Variants in PXDNL observed in about 807,000 individuals in gnomAD.
PXDNL encodes peroxidasin like.
PXDNL carries 145 observed loss-of-function variants against 150.8 expected under a neutral mutation model. The ratio of observed to expected loss-of-function variants is 0.96; its 90% CI spans 0.84 to 1.10. The LOEUF (loss-of-function observed/expected upper bound fraction) is 1.10. PXDNL is among the 50% of genes least tolerant of loss of function. PXDNL has a pLI of 0.00. For missense variants in PXDNL, 2,087 were observed against 1,873.9 expected (o/e 1.11, Z -2.10); for synonymous variants, 757 against 725.7 (o/e 1.04, Z -0.69).
intron 18 of PXDNL, among the ~76,000 whole-genome samples, chr8:51,373,557 A>T (rs1338773574): frequency 6.6e-6 from 1 of 152,196 alleles, no homozygotes; most frequent in African/African-American, 2.4e-5. Context: ...AAATGATTTT[A>T]AAAAATTAAT....
At chr8:51,739,233 A>G (rs1203852964) in intron 1 of PXDNL, among the ~76,000 whole-genome samples, 1 of 152,148 alleles carries the variant, frequency 6.6e-6, no homozygotes, top group African/African-American at 2.4e-5. Context: ...AGAAAACTAC[A>G]AATGGAGCAG....
Position 51,527,303 on chromosome 8 carries a change from G to A in PXDNL, c.381-27533C>T, listed in dbSNP as rs999322584. 6.6e-5 allele frequency among the ~76,000 whole-genome samples: 10 copies of A among 152,024 alleles called. No homozygotes were observed. In the East Asian group the frequency reaches 7.7e-4, roughly 12 times the overall value. ...ATGTTGTTTCAGTTCCCTACCTGCCGTGTTTTCATGATTTAGCACGTTTGC... is the reference window on the plus strand; with the variant it reads ...ATGTTGTTTCAGTTCCCTACCTGCCATGTTTTCATGATTTAGCACGTTTGC... On this transcript the variant is annotated intron_variant, in intron 4 of 22. Transcript: ENST00000356297.
At chr8:51,583,143 T>G (rs1324254060) in intron 3 of PXDNL, among the ~76,000 whole-genome samples, 3 of 152,142 alleles carry the variant, frequency 2.0e-5, no homozygotes, top group Non-Finnish European at 4.4e-5. Context: ...TTTAGGTGAT[T>G]GTGTTAGTCC....
chr8:51,355,610 C>G (rs1041248710), intron 19 of PXDNL, among the ~76,000 whole-genome samples: 2 of 152,156 alleles, frequency 1.3e-5, no homozygotes. Flanking sequence ...GAGAGTAAAT[C>G]ATTTTCTGTT....
chr8:51,556,069 C>T (rs111889920), intron 4 of PXDNL, among the ~76,000 whole-genome samples: 3,660 of 152,030 alleles, frequency 0.024, 159 homozygotes, highest in African/African-American at 0.083. Flanking sequence ...GCCAAAAGTT[C>T]AAGACCAGAC....
Position 51,408,882 on chromosome 8 carries a change from C to G in PXDNL, c.2742G>C (p.Ser914=). 6.2e-7 allele frequency: 1 copy of G among 1,600,864 alleles called. No homozygotes were observed. Among genetic ancestry groups the G allele is most frequent in the South Asian group, 1.1e-5 (1 of 89,424 alleles). Reference sequence around the variant, plus strand: ...CTGTCTTCAGGAGACCCCGAGGCACCGAAGGGTCTCTGAGAGCCTGGGATT... The same window carrying G: ...CTGTCTTCAGGAGACCCCGAGGCACGGAAGGGTCTCTGAGAGCCTGGGATT... The part of the protein sequence containing the change: ...ERESQALRDP[S]VPRGLLKTGF... The change falls in exon 17 of 23, where the codon TCG becomes TCC. Residue 914 remains serine (S), a synonymous_variant. Transcript: ENST00000356297.
chr8:51,676,748 A>G (rs1342349226), intron 1 of PXDNL, among the ~76,000 whole-genome samples: 1 of 152,192 alleles, frequency 6.6e-6, no homozygotes, highest in African/African-American at 2.4e-5. Context: ...AATAATTAGG[A>G]CAGGTTCATT....
At chr8:51,480,778 G>A (rs954100557) in intron 6 of PXDNL, among the ~76,000 whole-genome samples, 3 of 152,186 alleles carry the variant, frequency 2.0e-5, no homozygotes, top group Non-Finnish European at 4.4e-5. Flanking sequence ...GAGTTCCCCT[G>A]CGCAGGCTCT....
intron 1 of PXDNL, among the ~76,000 whole-genome samples, chr8:51,733,459 A>G (rs1816970792): frequency 6.6e-6 from 1 of 152,144 alleles, no homozygotes; most frequent in Non-Finnish European, 1.5e-5. Context: ...ATTTGTTCTC[A>G]GAAAAGGAGG....
chr8:51,597,561 T>C (rs1430003452), intron 2 of PXDNL, among the ~76,000 whole-genome samples: 1 of 152,156 alleles, frequency 6.6e-6, no homozygotes, highest in Non-Finnish European at 1.5e-5. Flanking sequence ...CATTTGCTTG[T>C]GTCATCTGTG....
At chr8:51,495,060 C>G (rs1177560502) in intron 5 of PXDNL, among the ~76,000 whole-genome samples, 5 of 152,156 alleles carry the variant, frequency 3.3e-5, no homozygotes. Flanking sequence ...AGGAAAAGAA[C>G]AGAAATTACA....
intron 4 of PXDNL, among the ~76,000 whole-genome samples, chr8:51,523,496 T>C (rs2130393341): frequency 6.6e-6 from 1 of 152,366 alleles, no homozygotes; most frequent in East Asian, 1.9e-4. Flanking sequence ...AATTCAGTTC[T>C]GTCTCAAATA....
At chr8:51,717,190 T>G (rs4873580) in intron 1 of PXDNL, among the ~76,000 whole-genome samples, 1 of 152,190 alleles carries the variant, frequency 6.6e-6, no homozygotes, top group Non-Finnish European at 1.5e-5. Flanking sequence ...ATCTGTCTCT[T>G]CCTTTTAAAA....
intron 2 of PXDNL, among the ~76,000 whole-genome samples, chr8:51,638,487 A>G (rs977146050): frequency 1.3e-5 from 2 of 152,272 alleles, no homozygotes; most frequent in Admixed American, 6.5e-5. Flanking sequence ...ATAGGCTCAA[A>G]ATAAAGGAAT....
chr8:51,777,858 G>A (rs983436038), intron 1 of PXDNL, among the ~76,000 whole-genome samples: 1 of 152,144 alleles, frequency 6.6e-6, no homozygotes, highest in Non-Finnish European at 1.5e-5. Context: ...AGACGAGATT[G>A]TGGCACTGCA....
intron 2 of PXDNL, among the ~76,000 whole-genome samples, chr8:51,619,471 T>G (rs2130731565): frequency 6.6e-6 from 1 of 152,292 alleles, no homozygotes; most frequent in South Asian, 2.1e-4. Context: ...CCAAATCTTA[T>G]GTCCAATTTT....
chr8:51,642,872 AT>A (rs1323624218), intron 2 of PXDNL, among the ~76,000 whole-genome samples: 1 of 152,200 alleles, frequency 6.6e-6, no homozygotes, highest in African/African-American at 2.4e-5. Context: ...ACGTGCAAAA[AT>A]CACAAGCATT....
intron 6 of PXDNL, among the ~76,000 whole-genome samples, chr8:51,479,361 A>C (rs1477795788): frequency 6.6e-6 from 1 of 152,240 alleles, no homozygotes; most frequent in Non-Finnish European, 1.5e-5. Flanking sequence ...AATCCAAAAA[A>C]GGAGAGAAAA....
At chr8:51,716,419 GACTA>G (rs10605058) in intron 1 of PXDNL, among the ~76,000 whole-genome samples, 5,698 of 152,244 alleles carry the variant, frequency 0.037, 335 homozygotes, top group African/African-American at 0.12. Flanking sequence ...CATGGAATGA[GACTA>G]ACTTTCAGTC....
Sources: allele counts gnomAD v4.1 joint callset (sites outside exome capture counted in the v4.1 genomes callset), GRCh38; gene constraint gnomAD v4.1.1; transcripts MANE v1.5; gene names NCBI Gene and HGNC (gene_info 2026-07-23, HGNC 2026-07-21).